Variants in XDH observed in about 807,000 individuals in gnomAD.
XDH encodes the protein xanthine dehydrogenase/oxidase.
In XDH, 138 loss-of-function variants were observed where a neutral mutation model predicts 156.1. The observed-to-expected ratio is 0.88, with a 90% CI of 0.77 to 1.02. XDH has a LOEUF of 1.02. XDH is among the 50% of genes least tolerant of loss of function. The pLI, the probability that XDH is intolerant of heterozygous loss-of-function variation, is 0.00. For synonymous variants in XDH, 669 were observed against 625.7 expected (o/e 1.07, Z -1.03); for missense variants, 1,849 against 1,684.9 (o/e 1.10, Z -1.71).
At chr2:31,364,126 T>C in intron 24 of XDH, 32 bp downstream of exon 24, 3 of 1,611,026 alleles carry the variant, frequency 1.9e-6, no homozygotes, top group South Asian at 2.2e-5. Flanking sequence ...AAGTCAGCTC[T>C]GGGTGCAGGG....
At chr2:31,386,936 G>C (rs1440140240) in intron 8 of XDH, among the ~76,000 whole-genome samples, 7 of 123,022 alleles carry the variant, frequency 5.7e-5, no homozygotes, top group Non-Finnish European at 1.0e-4. Context: ...GGGAGGGAGG[G>C]AGGGAGAGAG....
intron 1 of XDH, among the ~76,000 whole-genome samples, chr2:31,406,574 T>C (rs1687196332): frequency 6.6e-6 from 1 of 152,216 alleles, no homozygotes; most frequent in Admixed American, 6.5e-5. Context: ...ACTCAAATCC[T>C]TAAATTCTAA....
intron 24 of XDH, among the ~76,000 whole-genome samples, chr2:31,353,963 C>T (rs942914958): frequency 6.6e-6 from 1 of 152,136 alleles, no homozygotes; most frequent in Non-Finnish European, 1.5e-5. Context: ...CACTGGAGAA[C>T]ACATTGACTT....
intron 24 of XDH, among the ~76,000 whole-genome samples, chr2:31,356,635 TC>T (rs1399000480): frequency 7.2e-5 from 11 of 152,204 alleles, no homozygotes; most frequent in African/African-American, 2.7e-4. Flanking sequence ...GGATGTGCGG[TC>T]CTGCCAACAC....
At chr2:31,343,202 T>C (rs1168979230) in intron 31 of XDH, among the ~76,000 whole-genome samples, 1 of 149,448 alleles carries the variant, frequency 6.7e-6, no homozygotes, top group African/African-American at 2.5e-5. Context: ...AGAAATGTAA[T>C]AGGAATTTAT....
At chr2:31,357,418 C>A (rs999206239) in intron 24 of XDH, among the ~76,000 whole-genome samples, 1 of 151,976 alleles carries the variant, frequency 6.6e-6, no homozygotes, top group African/African-American at 2.4e-5. Context: ...CACTACAGAC[C>A]CTGAAGACAT....
intron 11 of XDH, among the ~76,000 whole-genome samples, 184 bp downstream of exon 11, chr2:31,382,817 C>A (rs1222452579): frequency 2.0e-5 from 3 of 152,158 alleles, no homozygotes; most frequent in African/African-American, 7.2e-5. Flanking sequence ...ATCCCAGACC[C>A]ATGTATCAGA....
At chr2:31,384,947 G>A (rs979959012) in intron 9 of XDH, among the ~76,000 whole-genome samples, 7 of 152,232 alleles carry the variant, frequency 4.6e-5, no homozygotes, top group Non-Finnish European at 7.3e-5. Flanking sequence ...AGAAGGGAGT[G>A]GCGCAGAAGG....
At chr2:31,379,551 G>C (rs376629639) in intron 13 of XDH, among the ~76,000 whole-genome samples, 3 of 152,148 alleles carry the variant, frequency 2.0e-5, no homozygotes, top group Non-Finnish European at 4.4e-5. Flanking sequence ...ACAATAACCC[G>C]TATAGTAAGT....
At chr2:31,394,954 T>C (rs1372576636) in intron 6 of XDH, among the ~76,000 whole-genome samples, 2 of 152,232 alleles carry the variant, frequency 1.3e-5, no homozygotes, top group Admixed American at 6.5e-5. Flanking sequence ...ATTTTTTCCA[T>C]TAAATCTCTT....
chr2:31,374,198 T>G (rs1686161948), intron 15 of XDH, among the ~76,000 whole-genome samples: 2 of 152,214 alleles, frequency 1.3e-5, no homozygotes, highest in South Asian at 4.1e-4. Flanking sequence ...TGGTCTGTAC[T>G]TTCTCCAACA....
intron 19 of XDH, 49 bp downstream of exon 19, chr2:31,368,492 C>T (rs1300308380): frequency 3.1e-6 from 5 of 1,611,238 alleles, no homozygotes; most frequent in Non-Finnish European, 4.2e-6. Flanking sequence ...CATGCACATC[C>T]AGGGACGGGG....
chr2:31,348,980 C>T lies in XDH; in HGVS notation c.2970G>A (p.Lys990=). ...ATCCTCTCTTTTTCCAACAATTCTCCCTAGAGAAAAAGGAATATTCTTATA... is the reference window on the plus strand; with the variant it reads ...ATCCTCTCTTTTTCCAACAATTCTCTCTAGAGAAAAAGGAATATTCTTATA... ...ARKSEVDKFN[K]ENCWKKRGLC... is the part of the protein sequence containing the mutation. The change falls in exon 27 of 36, where the codon AAG becomes AAA. Residue 990 remains lysine, a splice_region_variant and synonymous_variant. Transcript: ENST00000379416. 1 of 1,613,038 alleles carries T rather than the reference C, an allele frequency of 6.2e-7. No homozygotes were observed. The highest frequency in any genetic ancestry group is 8.5e-7 in the Non-Finnish European group (1 of 1,179,040).
chr2:31,335,836 AT>A lies in XDH; in HGVS notation c.*121del. 6 of 1,176,800 alleles carry A rather than the reference AT, an allele frequency of 5.1e-6. No homozygotes were observed. Among genetic ancestry groups the A allele is most frequent in the Non-Finnish European group, 7.6e-6 (6 of 787,964 alleles). 72.9% of individuals were successfully genotyped at this position (1,176,800 alleles called of 1,614,324 possible). A position where few individuals can be genotyped will look rare whatever the true frequency, so the allele number is the denominator to read the frequency against. ...TGCATTCACTTGTCTTCCAAATCCCATCTTGACAAATCACAGGTCTGTCATT... is the reference window on the plus strand; with the variant it reads ...TGCATTCACTTGTCTTCCAAATCCCACTTGACAAATCACAGGTCTGTCATT... On this transcript the variant is annotated 3_prime_UTR_variant, in exon 36 of 36. Transcript: ENST00000379416.
chr2:31,346,244 G>C (rs1245463809), intron 30 of XDH, among the ~76,000 whole-genome samples: 1 of 152,210 alleles, frequency 6.6e-6, no homozygotes, highest in African/African-American at 2.4e-5. Flanking sequence ...TGGTCTAGAA[G>C]TCAGAGAATT....
chr2:31,353,997 A>G (rs898749800), intron 24 of XDH, among the ~76,000 whole-genome samples: 6 of 152,118 alleles, frequency 3.9e-5, no homozygotes, highest in Non-Finnish European at 5.9e-5. Context: ...ACAAAGACAC[A>G]CCACTCTTCC....
chr2:31,398,718 A>G lies in XDH; in HGVS notation c.307-19T>C. The G allele has an allele frequency of 1.2e-6, 2 of 1,613,086 alleles. No individual in the cohort carries two copies. Among genetic ancestry groups the G allele is most frequent in the Non-Finnish European group, 1.7e-6 (2 of 1,179,374 alleles). On this transcript the variant is annotated intron_variant, in intron 4 of 35. Coordinates refer to ENST00000379416, the MANE Select transcript of XDH (RefSeq NM_000379.4). ...TTCTCTCCTAAAAGATACAGATGACATAGACACCTGGGATGGCAGAACCCT... is the reference window on the plus strand; with the variant it reads ...TTCTCTCCTAAAAGATACAGATGACGTAGACACCTGGGATGGCAGAACCCT...
chr2:31,411,283 G>GAA (rs376149812), intron 1 of XDH, among the ~76,000 whole-genome samples: 3 of 102,050 alleles, frequency 2.9e-5, no homozygotes, highest in Middle Eastern at 5.7e-3. Flanking sequence ...CCTGTCTCAG[G>GAA]AAAAAAAAAA....
intron 1 of XDH, among the ~76,000 whole-genome samples, chr2:31,413,260 T>G (rs1687390053): frequency 6.6e-6 from 1 of 152,230 alleles, no homozygotes; most frequent in African/African-American, 2.4e-5. Flanking sequence ...GAAAGCCAAT[T>G]GCACAATGGT....
Sources: gnomAD v4.1 joint callset for allele counts (sites outside exome capture counted in the v4.1 genomes callset) on GRCh38, gnomAD v4.1.1 for gene constraint, MANE v1.5 for transcripts, NCBI Gene and HGNC (gene_info 2026-07-23, HGNC 2026-07-21) for gene names.